Variants in ART3 observed in about 807,000 individuals in gnomAD.
ART3 encodes the protein ADP-ribosyltransferase 3 (inactive).
A neutral mutation model predicts 48.5 loss-of-function variants in ART3; 49 were observed. The ratio of observed to expected loss-of-function variants is 1.01; its 90% CI spans 0.80 to 1.28. The LOEUF (loss-of-function observed/expected upper bound fraction) is 1.28, where lower values mean the gene tolerates loss of function less well. ART3 is among the 50% of genes most tolerant of loss of function. The pLI is 0.00. For synonymous variants in ART3, 145 were observed against 157.2 expected (o/e 0.92, Z 0.58); for missense variants, 438 against 454.3 (o/e 0.96, Z 0.33).
At chr4:76,108,999 G>A (rs1728985564) in intron 11 of ART3, among the ~76,000 whole-genome samples, 1 of 152,158 alleles carries the variant, frequency 6.6e-6, no homozygotes, top group Non-Finnish European at 1.5e-5. Context: ...GAGCGGATGT[G>A]AAGGCCTGGG....
chr4:76,077,779 C>T (rs1721453641), intron 2 of ART3, among the ~76,000 whole-genome samples: 1 of 152,122 alleles, frequency 6.6e-6, no homozygotes, highest in Non-Finnish European at 1.5e-5. Context: ...AACTGCCAAA[C>T]TTTTTCACAC....
At chr4:76,021,694 T>G (rs1732832306) in intron 1 of ART3, 1 of 541,634 alleles carries the variant, frequency 1.8e-6, no homozygotes, top group South Asian at 2.7e-5. Context: ...CAGTAGAGCT[T>G]ACATTATAGT....
chr4:76,018,441 G>T (rs1395462971), intron 1 of ART3, among the ~76,000 whole-genome samples: 1 of 152,116 alleles, frequency 6.6e-6, no homozygotes, highest in Non-Finnish European at 1.5e-5. Flanking sequence ...ACTCGACAGT[G>T]GGGGTAGGGA....
chr4:76,110,945 CG>C (rs956479244), intron 11 of ART3, among the ~76,000 whole-genome samples: 2 of 148,070 alleles, frequency 1.4e-5, no homozygotes, highest in African/African-American at 4.9e-5. Flanking sequence ...TATTGTAAAA[CG>C]TTAGTATTTA....
rs80345932 is a variant in ART3, at chr4:76,088,495, A to G, written c.781+5960A>G. Among the ~76,000 whole-genome samples the G allele has an allele frequency of 8.0e-3, 1,219 of 152,250 alleles. 15 individuals are homozygous for G. The highest frequency in any genetic ancestry group is 0.028 in the African/African-American group (1,169 of 41,550). ...AGCCAGCTCTCTGCTAAGCCATCAA[A>G]AGGGGGAAAGAAGGTGAGCCTACAG... On this transcript the variant is annotated intron_variant, in intron 3 of 11. Coordinates refer to ENST00000355810, the MANE Select transcript of ART3 (RefSeq NM_001130016.3).
chr4:76,083,018 C>A (rs980714274), intron 3 of ART3, among the ~76,000 whole-genome samples: 1 of 152,040 alleles, frequency 6.6e-6, no homozygotes, highest in African/African-American at 2.4e-5. Context: ...GGGAGACCAC[C>A]ATTTCTGCTA....
chr4:76,106,343 A>G, intron 10 of ART3: 1 of 985,422 alleles, frequency 1.0e-6, no homozygotes, highest in Non-Finnish European at 1.2e-6. Context: ...ATGGTCTCCA[A>G]GTTACAATGG....
chr4:76,109,905 A>G (rs1418429995), intron 11 of ART3, among the ~76,000 whole-genome samples: 2 of 152,102 alleles, frequency 1.3e-5, no homozygotes, highest in African/African-American at 4.8e-5. Context: ...CTGACTGGCT[A>G]TTTTTCTTGG....
intron 1 of ART3, among the ~76,000 whole-genome samples, chr4:76,053,960 G>A (rs6856681): frequency 0.59 from 89,120 of 152,046 alleles, 26,973 homozygotes; most frequent in East Asian, 0.94. Flanking sequence ...GGTCAATGTA[G>A]ACGTTCATGT....
At chr4:76,063,482 A>G (rs1719427340) in intron 1 of ART3, among the ~76,000 whole-genome samples, 1 of 152,220 alleles carries the variant, frequency 6.6e-6, no homozygotes, top group Admixed American at 6.5e-5. Context: ...TTAAAATGAG[A>G]TTAAAAGAAG....
At chr4:76,104,484 A>G (rs941492554) in intron 9 of ART3, 113 bp from the exon 10 acceptor site, 3 of 1,513,712 alleles carry the variant, frequency 2.0e-6, no homozygotes, top group Admixed American at 2.2e-5. Context: ...GCCAGAAACT[A>G]TAGTGCATTG....
intron 1 of ART3, among the ~76,000 whole-genome samples, chr4:76,025,148 G>A (rs1733258693): frequency 6.6e-6 from 1 of 152,162 alleles, no homozygotes; most frequent in Non-Finnish European, 1.5e-5. Context: ...CTTTCACCTA[G>A]CAAAGAGGCG....
chr4:76,081,335 A>C (rs1267323028), intron 2 of ART3, among the ~76,000 whole-genome samples: 1 of 152,222 alleles, frequency 6.6e-6, no homozygotes, highest in African/African-American at 2.4e-5. Context: ...CAGGAGGTGC[A>C]AAATCATTTC....
At chr4:76,034,431 G>T in intron 1 of ART3, 1 of 481,668 alleles carries the variant, frequency 2.1e-6, no homozygotes. Context: ...AATCTAGAAG[G>T]TTCTCTAGCC....
intron 1 of ART3, among the ~76,000 whole-genome samples, chr4:76,031,269 G>A (rs1193537979): frequency 5.9e-5 from 9 of 152,006 alleles, no homozygotes; most frequent in Non-Finnish European, 1.3e-4. Context: ...TACATGTACA[G>A]TAGTGAAAGT....
At chr4:76,012,698 C>T (rs530494733) in intron 1 of ART3, among the ~76,000 whole-genome samples, 47 of 152,250 alleles carry the variant, frequency 3.1e-4, no homozygotes, top group African/African-American at 1.0e-3. Context: ...TAAAGGACAA[C>T]TTTTGCAAAA....
At chr4:76,050,948 C>T (rs997153640) in intron 1 of ART3, among the ~76,000 whole-genome samples, 4 of 152,196 alleles carry the variant, frequency 2.6e-5, no homozygotes, top group Non-Finnish European at 1.5e-5. Flanking sequence ...CGGGCTGCTC[C>T]GAGTGCGGGG....
At chr4:76,035,158 C>T (rs1454390430) in intron 1 of ART3, 1 of 1,612,902 alleles carries the variant, frequency 6.2e-7, no homozygotes, top group South Asian at 1.1e-5. Flanking sequence ...AGTTTAGATG[C>T]AAATACATAA....
At chr4:76,101,881 A>G (rs541237244) in intron 8 of ART3, among the ~76,000 whole-genome samples, 34 of 152,328 alleles carry the variant, frequency 2.2e-4, no homozygotes, top group South Asian at 6.2e-4. Flanking sequence ...AGTCTTAAAA[A>G]TGTTTGTACC....
Sources: gnomAD v4.1 joint callset for allele counts (sites outside exome capture counted in the v4.1 genomes callset) on GRCh38, gnomAD v4.1.1 for gene constraint, MANE v1.5 for transcripts, NCBI Gene and HGNC (gene_info 2026-07-23, HGNC 2026-07-21) for gene names.